The following ABI1 variants were observed in gnomAD, a reference collection of about 807,000 sequenced individuals.
The protein encoded by ABI1 is Abelson interactor 1.
ABI1 carries 14 observed loss-of-function variants against 54.6 expected under a neutral mutation model. The ratio of observed to expected loss-of-function variants is 0.26; its 90% CI spans 0.17 to 0.40. ABI1 has a LOEUF of 0.40. Among genes scored for constraint, ABI1 ranks in the 10% least tolerant of loss-of-function variants. The pLI is 1.00. For missense variants in ABI1, 443 were observed against 598.3 expected (o/e 0.74, Z 2.71); for synonymous variants, 194 against 209.3 (o/e 0.93, Z 0.63).
chr10:26,778,655 G>A (rs920945492), intron 2 of ABI1, among the ~76,000 whole-genome samples: 1 of 152,094 alleles, frequency 6.6e-6, no homozygotes, highest in Non-Finnish European at 1.5e-5. Flanking sequence ...AGTAGATAAA[G>A]ACACCTCTCC....
chr10:26,800,531 A>C (rs1164180385), intron 2 of ABI1, among the ~76,000 whole-genome samples: 2 of 152,168 alleles, frequency 1.3e-5, no homozygotes, highest in Non-Finnish European at 2.9e-5. Context: ...TAATTCCAGT[A>C]CTTTGGTAGG....
intron 5 of ABI1, among the ~76,000 whole-genome samples, chr10:26,769,226 A>G (rs185278987): frequency 5.9e-5 from 9 of 152,296 alleles, no homozygotes; most frequent in Admixed American, 2.0e-4. Context: ...AGGGTAATTT[A>G]AAGTCCTAAC....
chr10:26,793,382 G>A (rs1415320933), intron 2 of ABI1, among the ~76,000 whole-genome samples: 1 of 152,156 alleles, frequency 6.6e-6, no homozygotes, highest in Non-Finnish European at 1.5e-5. Flanking sequence ...CAACTTCGAA[G>A]TTAACTTGAT....
At chr10:26,829,108 C>T (rs1475660692) in intron 1 of ABI1, among the ~76,000 whole-genome samples, 1 of 152,064 alleles carries the variant, frequency 6.6e-6, no homozygotes, top group Admixed American at 6.6e-5. Context: ...CGCCTGTAGT[C>T]CCAGCTACTC....
chr10:26,754,495 T>C (rs1451884363), intron 9 of ABI1, among the ~76,000 whole-genome samples: 1 of 152,202 alleles, frequency 6.6e-6, no homozygotes, highest in Admixed American at 6.5e-5. Context: ...GATCACACAT[T>C]TCCTGAAGGA....
intron 2 of ABI1, among the ~76,000 whole-genome samples, chr10:26,784,280 C>T (rs559102463): frequency 1.7e-4 from 26 of 152,340 alleles, no homozygotes; most frequent in African/African-American, 5.1e-4. Context: ...AAATCTCCCA[C>T]GTGAAACACC....
At chr10:26,784,558 A>C (rs1232482907) in intron 2 of ABI1, among the ~76,000 whole-genome samples, 15 of 144,618 alleles carry the variant, frequency 1.0e-4, no homozygotes, top group East Asian at 6.8e-4. Context: ...GTGGGGGGGA[A>C]TGGGGGGAGC....
At chr10:26,819,907 T>G (rs1204359010) in intron 2 of ABI1, among the ~76,000 whole-genome samples, 3 of 152,120 alleles carry the variant, frequency 2.0e-5, no homozygotes, top group African/African-American at 4.8e-5. Context: ...GACCTTACAG[T>G]AAGTGAAATA....
intron 2 of ABI1, among the ~76,000 whole-genome samples, chr10:26,796,404 C>A (rs1844175587): frequency 6.6e-6 from 1 of 152,108 alleles, no homozygotes; most frequent in Non-Finnish European, 1.5e-5. Context: ...TGCTTGGATA[C>A]ACAAATACCA....
At chr10:26,833,459 A>G (rs185669093) in intron 1 of ABI1, among the ~76,000 whole-genome samples, 1 of 152,294 alleles carries the variant, frequency 6.6e-6, no homozygotes, top group African/African-American at 2.4e-5. Context: ...ACCATACTAC[A>G]AGGCTTACAT....
chr10:26,768,872 A>G lies in ABI1; in HGVS notation c.699T>C (p.Asn233=), dbSNP rs1332998019. 1 of 1,613,270 alleles carries G rather than the reference A, an allele frequency of 6.2e-7. No homozygotes were observed. Among genetic ancestry groups the G allele is most frequent in the Non-Finnish European group, 8.5e-7 (1 of 1,179,566 alleles). The change falls in exon 6 of 11, where the codon AAT becomes AAC. Residue 233 remains asparagine, a synonymous_variant. Transcript: ENST00000376140. The part of the protein sequence containing the change: ...QHSPGRTASL[N]QRPRTHSGSS... ...CTTACCTGTGTGTCCTTGGTCTCTG[A>G]TTTAAAGATGCTGTCCTGCCTGGAC...
At chr10:26,764,974 CAA>C (rs1373605701) in intron 7 of ABI1, among the ~76,000 whole-genome samples, 1 of 151,940 alleles carries the variant, frequency 6.6e-6, no homozygotes, top group African/African-American at 2.4e-5. Context: ...AAATGGCCAA[CAA>C]AAAGTTATTT....
At chr10:26,768,716 A>T (rs189864760) in intron 6 of ABI1, 136 bp downstream of exon 6, 18 of 711,676 alleles carry the variant, frequency 2.5e-5, no homozygotes, top group Admixed American at 2.4e-4. Flanking sequence ...CATATATAAT[A>T]TTATTCCCCC....
intron 3 of ABI1, among the ~76,000 whole-genome samples, chr10:26,774,637 T>C (rs551378828): frequency 6.6e-6 from 1 of 152,214 alleles, no homozygotes; most frequent in African/African-American, 2.4e-5. Context: ...TACCGTTTAT[T>C]TCATAGCATA....
chr10:26,845,614 T>C (rs2049912513), intron 1 of ABI1, among the ~76,000 whole-genome samples: 1 of 151,830 alleles, frequency 6.6e-6, no homozygotes, highest in African/African-American at 2.4e-5. Flanking sequence ...TTGCACTCCA[T>C]CCTGGACAAC....
In ABI1 at chr10:26,838,167, G is replaced by C. The variant is rs181686018; in HGVS notation, c.118-14862C>G. Among the ~76,000 whole-genome samples, 62 of 151,772 alleles carry C rather than the reference G, an allele frequency of 4.1e-4. 1 individual carries two copies. The highest frequency in any genetic ancestry group is 1.5e-3 in the African/African-American group (61 of 41,368). Reference sequence around the variant, plus strand: ...GCCTCCTGAGTAGCTAGGATTACAGGTGACCGCCACCACACCCAGCTAATT... The same window carrying C: ...GCCTCCTGAGTAGCTAGGATTACAGCTGACCGCCACCACACCCAGCTAATT... On this transcript the variant is annotated intron_variant, in intron 1 of 10. Transcript: ENST00000376140.
Position 26,860,892 on chromosome 10 carries a change from G to C in ABI1, c.-29C>G, listed in dbSNP as rs574606288. 1 of 1,598,248 alleles carries C rather than the reference G, an allele frequency of 6.3e-7. No homozygotes were observed. Among genetic ancestry groups the C allele is most frequent in the Non-Finnish European group, 8.6e-7 (1 of 1,166,260 alleles). On this transcript the variant is annotated 5_prime_UTR_variant, in exon 1 of 11. Transcript: ENST00000376140. The surrounding 1 kb of genome is among the most constrained non-coding windows in gnomAD (Gnocchi z 4.1). ...CCACCCCTCTGCATCGCTTCCTCTC[G>C]CGTTAAAGAGACAGAGGCAGCAAGG...
Position 26,823,322 on chromosome 10 carries a change from A to G in ABI1, c.118-17T>C, listed in dbSNP as rs2048105449. On this transcript the variant is annotated splice_polypyrimidine_tract_variant and intron_variant, in intron 1 of 10. Coordinates refer to ENST00000376140, the MANE Select transcript of ABI1 (RefSeq NM_001012750.3). Reference sequence around the variant, plus strand: ...GTCTGTAGCCTGAAATAAGAACAAAAACAACAAATACTTATTTAGATTAAC... The same window carrying G: ...GTCTGTAGCCTGAAATAAGAACAAAGACAACAAATACTTATTTAGATTAAC... The G allele has an allele frequency of 6.7e-7, 1 of 1,496,034 alleles. No homozygotes were observed. Among genetic ancestry groups the G allele is most frequent in the Non-Finnish European group, 8.9e-7 (1 of 1,127,046 alleles). 92.7% of individuals were successfully genotyped at this position (1,496,034 alleles called of 1,614,324 possible).
rs150904161 is a variant in ABI1 at position 26,780,258 on chromosome 10, G to C, written c.286-3017C>G. Among the ~76,000 whole-genome samples, 3 of 152,094 alleles carry C rather than the reference G, an allele frequency of 2.0e-5. No individual in the cohort carries two copies. The South Asian group carries it at 6.2e-4, about 32-fold the overall frequency. ...TTGTGTGTGTGTAAGACAAGGTCTCGCTCTGTCACCCAGGCTGGAGTGCAG... is the reference window on the plus strand; with the variant it reads ...TTGTGTGTGTGTAAGACAAGGTCTCCCTCTGTCACCCAGGCTGGAGTGCAG... On this transcript the variant is annotated intron_variant, in intron 2 of 10. Coordinates refer to ENST00000376140, the MANE Select transcript of ABI1 (RefSeq NM_001012750.3).
Sources: gnomAD v4.1 joint callset for allele counts (sites outside exome capture counted in the v4.1 genomes callset) on GRCh38, gnomAD v4.1.1 for gene constraint, Gnocchi (gnomAD v3.1) non-coding constraint, MANE v1.5 for transcripts, NCBI Gene and HGNC (gene_info 2026-07-23, HGNC 2026-07-21) for gene names.